EPHX4: variants seen among roughly 807,000 people sequenced by gnomAD.
EPHX4 encodes epoxide hydrolase 4.
Under a neutral mutation model 44.9 loss-of-function variants are expected in EPHX4, and 31 were observed. The ratio of observed to expected loss-of-function variants is 0.69; its 90% CI spans 0.52 to 0.93. The LOEUF is 0.93. Among genes scored for constraint, EPHX4 ranks in the 40% least tolerant of loss-of-function variants. EPHX4 has a pLI of 0.00. For missense variants in EPHX4, 373 were observed against 438.1 expected, an observed-to-expected ratio of 0.85 and a Z score of 1.33; for synonymous variants, 151 against 159.7, an observed-to-expected ratio of 0.95 and a Z score of 0.41.
At chr1:92,048,364 C>G (rs1375995941) in intron 4 of EPHX4, among the ~76,000 whole-genome samples, 1 of 152,116 alleles carries the variant, frequency 6.6e-6, no homozygotes, top group Non-Finnish European at 1.5e-5. Flanking sequence ...GGTGGTGGTG[C>G]TATATGGACA....
chr1:92,061,222 T>C (rs1397088218), intron 6 of EPHX4, among the ~76,000 whole-genome samples: 2 of 152,174 alleles, frequency 1.3e-5, no homozygotes, highest in African/African-American at 2.4e-5. Flanking sequence ...AAAATACACT[T>C]TTCTATCAAT....
At chr1:92,039,366 T>A (rs1215631378) in intron 2 of EPHX4, among the ~76,000 whole-genome samples, 1 of 152,140 alleles carries the variant, frequency 6.6e-6, no homozygotes, top group Non-Finnish European at 1.5e-5. Flanking sequence ...AAGGTAATGA[T>A]AGAATGGTAG....
At chr1:92,062,094 T>G in intron 6 of EPHX4, among the ~76,000 whole-genome samples, 1 of 152,126 alleles carries the variant, frequency 6.6e-6, no homozygotes, top group East Asian at 1.9e-4. Flanking sequence ...TTTTAAAAAA[T>G]AATCTTCTTG....
intron 6 of EPHX4, among the ~76,000 whole-genome samples, chr1:92,058,207 C>T (rs543283734): frequency 6.6e-6 from 1 of 152,088 alleles, no homozygotes; most frequent in African/African-American, 2.4e-5. Context: ...TTTGGAAGGC[C>T]GAGGTGGGTG....
intron 2 of EPHX4, among the ~76,000 whole-genome samples, chr1:92,040,772 T>C (rs1688498400): frequency 6.6e-6 from 1 of 152,192 alleles, no homozygotes; most frequent in Non-Finnish European, 1.5e-5. Flanking sequence ...GTTTGTTACA[T>C]TGATCTTACT....
intron 4 of EPHX4, among the ~76,000 whole-genome samples, chr1:92,049,633 C>A (rs1647209176): frequency 6.6e-6 from 1 of 152,136 alleles, no homozygotes; most frequent in African/African-American, 2.4e-5. Flanking sequence ...ACAAGGCATT[C>A]AATTTGAATC....
chr1:92,060,956 C>A (rs1647482585), intron 6 of EPHX4, among the ~76,000 whole-genome samples: 1 of 151,706 alleles, frequency 6.6e-6, no homozygotes, highest in Non-Finnish European at 1.5e-5. Flanking sequence ...TCTTGGCTCA[C>A]TGCAACCTCT....
chr1:92,049,111 T>G (rs1255288716), intron 4 of EPHX4, among the ~76,000 whole-genome samples: 1 of 152,082 alleles, frequency 6.6e-6, no homozygotes, highest in African/African-American at 2.4e-5. Flanking sequence ...AAAATCTTAT[T>G]ATTCTGGTCC....
At chr1:92,056,207 G>A (rs1442672286) in intron 6 of EPHX4, among the ~76,000 whole-genome samples, 1 of 151,958 alleles carries the variant, frequency 6.6e-6, no homozygotes, top group African/African-American at 2.4e-5. Context: ...ATTAAAAACA[G>A]GGCTATTAAA....
rs1688374149 is a variant in EPHX4 at position 92,032,378 on chromosome 1, T to C, written c.232-127T>C. 4 of 671,294 alleles carry C rather than the reference T, an allele frequency of 6.0e-6. No homozygotes were observed. In the South Asian group the frequency reaches 7.4e-5, roughly 13 times the overall value. 41.6% of individuals were successfully genotyped at this position (671,294 alleles called of 1,614,324 possible). On this transcript the variant is annotated intron_variant, in intron 1 of 6. Transcript: ENST00000370383. ...ATAAGGCAACTGAGTGTCATGAAGA[T>C]ATTGTAAATACACAAATGTTTTAAA...
At chr1:92,047,191 T>G (rs1688594556) in intron 4 of EPHX4, among the ~76,000 whole-genome samples, 1 of 152,228 alleles carries the variant, frequency 6.6e-6, no homozygotes, top group African/African-American at 2.4e-5. Context: ...TACCCATGTC[T>G]GACTGATGAT....
chr1:92,058,787 C>G (rs991733006), intron 6 of EPHX4, among the ~76,000 whole-genome samples: 4 of 152,078 alleles, frequency 2.6e-5, no homozygotes, highest in African/African-American at 9.7e-5. Flanking sequence ...CAAGGAGATA[C>G]AAAACCTCTA....
At chr1:92,041,397 C>T (rs541755314) in intron 2 of EPHX4, among the ~76,000 whole-genome samples, 147 of 152,236 alleles carry the variant, frequency 9.7e-4, no homozygotes, top group Non-Finnish European at 1.1e-3. Flanking sequence ...CTTTTTCACC[C>T]ATAAATAAGC....
rs754917307 is a variant in EPHX4 at position 92,052,659 on chromosome 1, G to T, written c.857+1G>T. On this transcript the variant is annotated splice_donor_variant, in intron 6 of 6. Coordinates refer to ENST00000370383, the MANE Select transcript of EPHX4 (RefSeq NM_173567.5). LOFTEE classifies it high-confidence loss of function. ...TTAACCATTACCGAAATATCTTCAG[G>T]TAAGTATAATTTCTTTTTAGTTAAA... 5.0e-6 allele frequency: 8 copies of T among 1,590,934 alleles called. No individual in the cohort carries two copies. The highest frequency in any genetic ancestry group is 6.0e-6 in the Non-Finnish European group (7 of 1,173,504).
At chr1:92,034,437 T>C (rs967933912) in intron 2 of EPHX4, among the ~76,000 whole-genome samples, 1 of 152,070 alleles carries the variant, frequency 6.6e-6, no homozygotes, top group Non-Finnish European at 1.5e-5. Flanking sequence ...CCAGTTCCCT[T>C]AGTTGACTCA....
rs752499355 is a variant in EPHX4 at position 92,030,279 on chromosome 1, C to T, written c.200C>T (p.Ser67Phe). ...CCTCCCGCGTGCCTGAGCGACCCCT[C>T]CTTGGGCACCCACTGCTACGTGCGG... is the stretch of plus-strand genomic sequence containing the variant. The part of the protein sequence containing the change: ...EHPPACLSDP[S>F]LGTHCYVRIK... Residue 67 changes from serine (S) to phenylalanine (F), a missense_variant, in exon 1 of 7, where the codon TCC becomes TTC. Physicochemically the swap from Ser to Phe is radical, Grantham distance 155. Coordinates refer to ENST00000370383, the MANE Select transcript of EPHX4 (RefSeq NM_173567.5). 3 of 1,596,288 alleles carry T rather than the reference C, an allele frequency of 1.9e-6. No homozygotes were observed. The highest frequency in any genetic ancestry group is 1.7e-6 in the Non-Finnish European group (2 of 1,172,142).
chr1:92,058,233 G>A (rs1647414651), intron 6 of EPHX4, among the ~76,000 whole-genome samples: 1 of 151,978 alleles, frequency 6.6e-6, no homozygotes, highest in African/African-American at 2.4e-5. Flanking sequence ...CCTGACTTCG[G>A]GAGTTCAACA....
chr1:92,039,553 T>C (rs1280988320), intron 2 of EPHX4, among the ~76,000 whole-genome samples: 1 of 152,152 alleles, frequency 6.6e-6, no homozygotes, highest in Admixed American at 6.5e-5. Context: ...GACAGATGAG[T>C]ATCTTTAAGG....
chr1:92,060,251 A>T (rs1647466773), intron 6 of EPHX4, among the ~76,000 whole-genome samples: 2 of 151,672 alleles, frequency 1.3e-5, no homozygotes, highest in African/African-American at 4.8e-5. Flanking sequence ...TAGAAAAAAA[A>T]ATTTTTTTTT....
Sources: allele counts gnomAD v4.1 joint callset (sites outside exome capture counted in the v4.1 genomes callset), GRCh38; gene constraint gnomAD v4.1.1; transcripts MANE v1.5; gene names NCBI Gene and HGNC (gene_info 2026-07-23, HGNC 2026-07-21).